Variants in MAPK10 observed in about 807,000 individuals in gnomAD.
The protein encoded by MAPK10 is mitogen-activated protein kinase 10.
Under a neutral mutation model 59.3 loss-of-function variants are expected in MAPK10, and 25 were observed. The ratio of observed to expected loss-of-function variants is 0.42; its 90% CI spans 0.31 to 0.59. The LOEUF (loss-of-function observed/expected upper bound fraction) is 0.59. MAPK10 is among the 20% of genes least tolerant of loss of function. The probability of loss-of-function intolerance (pLI) is 0.15; values close to 1 mark genes in which losing one functional copy is unlikely to be tolerated. For synonymous variants in MAPK10, 190 were observed against 200.5 expected (o/e 0.95, Z 0.44); for missense variants, 351 against 568.9 (o/e 0.62, Z 3.90).
chr4:86,532,833 C>G (rs1757942566), intron 1 of MAPK10, among the ~76,000 whole-genome samples: 1 of 152,222 alleles, frequency 6.6e-6, no homozygotes, highest in Non-Finnish European at 1.5e-5. Flanking sequence ...ATCCCAGCCT[C>G]ACACCAGTGG....
At chr4:86,402,362 T>C (rs534143524) in intron 1 of MAPK10, among the ~76,000 whole-genome samples, 1 of 152,250 alleles carries the variant, frequency 6.6e-6, no homozygotes, top group East Asian at 1.9e-4. Context: ...GCTCTCTAAT[T>C]CAGTTTTAAC....
At position 86,207,817 on chromosome 4, in the gene MAPK10, T is replaced by A. The variant is rs1161947714; in HGVS notation, c.-6-13410A>T. Among the ~76,000 whole-genome samples, 4 of 152,292 alleles carry A rather than the reference T, an allele frequency of 2.6e-5. No homozygotes were observed. In the South Asian group the frequency reaches 8.3e-4, roughly 32 times the overall value. On this transcript the variant is annotated intron_variant, in intron 2 of 13. Coordinates refer to ENST00000641462, the MANE Select transcript of MAPK10 (RefSeq NM_138982.4). ...TTATTCTCTTTGAAGCAATTGTGAA[T>A]GGGAGTTCACTCATGATTTGGCTCT...
chr4:86,119,585 A>G (rs1316022644), intron 4 of MAPK10: 2 of 136,050 alleles, frequency 1.5e-5, no homozygotes, highest in African/African-American at 6.6e-5. Context: ...CTCCATCACA[A>G]AAAAAAAAAA....
At chr4:86,360,529 T>G (rs1444880514), upstream of MAPK10, among the ~76,000 whole-genome samples, 3 of 152,222 alleles carry the variant, frequency 2.0e-5, no homozygotes, top group Non-Finnish European at 4.4e-5. Context: ...CACAGCACTA[T>G]TCCTCTTCTC....
intron 1 of MAPK10, among the ~76,000 whole-genome samples, chr4:86,539,502 G>A (rs1758510409): frequency 6.6e-6 from 1 of 152,158 alleles, no homozygotes; most frequent in Non-Finnish European, 1.5e-5. Context: ...AGGGATTAGT[G>A]AGAATTTCCA....
chr4:86,478,101 A>C (rs1753272661), intron 1 of MAPK10, among the ~76,000 whole-genome samples: 1 of 152,154 alleles, frequency 6.6e-6, no homozygotes, highest in Admixed American at 6.5e-5. Context: ...TCTACAAAAC[A>C]ACAACTCCTT....
intron 2 of MAPK10, among the ~76,000 whole-genome samples, chr4:86,296,338 T>C (rs1472050533): frequency 6.6e-6 from 1 of 151,690 alleles, no homozygotes; most frequent in African/African-American, 2.4e-5. Flanking sequence ...GCTTCAGAAG[T>C]GGTAGGGAAG....
chr4:86,072,205 G>A (rs1379748519), intron 9 of MAPK10, among the ~76,000 whole-genome samples: 1 of 150,508 alleles, frequency 6.6e-6, no homozygotes, highest in African/African-American at 2.4e-5. Context: ...TCTGTTGTTG[G>A]TGTATAAGAA....
chr4:86,019,613 G>T (rs755425712), intron 13 of MAPK10, among the ~76,000 whole-genome samples: 3 of 151,950 alleles, frequency 2.0e-5, no homozygotes, highest in African/African-American at 7.3e-5. Context: ...TTTCACCCCC[G>T]ATTCTGGATT....
chr4:86,489,902 G>T, intron 1 of MAPK10, among the ~76,000 whole-genome samples: 1 of 152,110 alleles, frequency 6.6e-6, no homozygotes, highest in Non-Finnish European at 1.5e-5. Flanking sequence ...GCTCTTCAAA[G>T]GGCCCTTTTT....
intron 9 of MAPK10, among the ~76,000 whole-genome samples, chr4:86,087,154 T>A (rs113764841): frequency 0.027 from 4,154 of 152,280 alleles, 188 homozygotes; most frequent in African/African-American, 0.095. Context: ...AAATGTTAAA[T>A]TGTATTTGGT....
At chr4:86,526,612 G>C (rs1757485657) in intron 1 of MAPK10, among the ~76,000 whole-genome samples, 1 of 151,988 alleles carries the variant, frequency 6.6e-6, no homozygotes, top group South Asian at 2.1e-4. Flanking sequence ...CCTTTCTTCT[G>C]CTAGCTTTTA....
chr4:86,506,654 G>C (rs1024451633), intron 1 of MAPK10, among the ~76,000 whole-genome samples: 1 of 152,148 alleles, frequency 6.6e-6, no homozygotes, highest in African/African-American at 2.4e-5. Context: ...AGGAAGGGAA[G>C]GCAGCACACA....
chr4:86,588,508 A>G (rs1024149635), intron 1 of MAPK10, among the ~76,000 whole-genome samples: 1 of 152,220 alleles, frequency 6.6e-6, no homozygotes, highest in African/African-American at 2.4e-5. Context: ...TTCTGTTGCT[A>G]GATCATATAT....
At chr4:86,029,372 T>C (rs953640498) in intron 12 of MAPK10, 98 bp from the exon 13 acceptor site, 2 of 712,100 alleles carry the variant, frequency 2.8e-6, no homozygotes, top group African/African-American at 1.8e-5. Context: ...TTGATGGGGT[T>C]GAGTAAATTA....
Position 86,589,085 on chromosome 4 carries a change from A to C in MAPK10, c.-263+4825T>G, listed in dbSNP as rs149036587. 3.7e-3 allele frequency among the ~76,000 whole-genome samples: 570 copies of C among 152,306 alleles called. 3 individuals are homozygous for C. The highest frequency in any genetic ancestry group is 0.017 in the Middle Eastern group (5 of 294). On this transcript the variant is annotated intron_variant, in intron 1 of 4. Transcript: ENST00000502302. ...CCAAAATAAATTCCATATGGATGAA[A>C]GAATAAAATGTGAAAAACAAAGCCA...
At chr4:86,231,167 G>A (rs566272105) in intron 2 of MAPK10, among the ~76,000 whole-genome samples, 1 of 152,226 alleles carries the variant, frequency 6.6e-6, no homozygotes, top group African/African-American at 2.4e-5. Flanking sequence ...CTGCAGTGTA[G>A]ATATTTAAAA....
intron 1 of MAPK10, among the ~76,000 whole-genome samples, chr4:86,550,374 TAAAAAAAAAAAAAAAAA>T (rs753508493): frequency 0.042 from 3,249 of 77,402 alleles, 156 homozygotes; most frequent in African/African-American, 0.17. Context: ...GAGCTTCAGT[TAAAAAAAAAAAAAAAAA>T]AAAAAAAAAA....
Position 86,266,390 on chromosome 4 carries a change from T to C in MAPK10, c.-6-71983A>G, listed in dbSNP as rs2094237960. On this transcript the variant is annotated intron_variant, in intron 2 of 13. Transcript: ENST00000641462. ...TCCTTTTCCTCATCTGTATTAATAG[T>C]CTCTACCTCACAGTATTGCTGTGAG... is the stretch of plus-strand genomic sequence containing the variant. Among the ~76,000 whole-genome samples, 3 of 152,142 alleles carry C rather than the reference T, an allele frequency of 2.0e-5. No homozygotes were observed. The South Asian group carries it at 6.2e-4, about 31-fold the overall frequency.
Sources: gnomAD v4.1 joint callset for allele counts (sites outside exome capture counted in the v4.1 genomes callset) on GRCh38, gnomAD v4.1.1 for gene constraint, MANE v1.5 for transcripts, NCBI Gene and HGNC (gene_info 2026-07-23, HGNC 2026-07-21) for gene names.